RIC1: variants seen among roughly 807,000 people sequenced by gnomAD.
The protein encoded by RIC1 is guanine nucleotide exchange factor subunit RIC1.
A neutral mutation model predicts 169.0 loss-of-function variants in RIC1; 88 were observed. That is an observed-to-expected ratio of 0.52 (90% CI 0.44 to 0.62). The LOEUF (loss-of-function observed/expected upper bound fraction) is 0.62, where lower values mean the gene tolerates loss of function less well. Among genes scored for constraint, RIC1 ranks in the 20% least tolerant of loss-of-function variants. RIC1 has a pLI of 0.00. For missense variants in RIC1, 1,877 were observed against 1,725.5 expected (o/e 1.09, Z -1.56); for synonymous variants, 790 against 601.5 (o/e 1.31, Z -4.59).
intron 2 of RIC1, 151 bp from the exon 3 acceptor site, chr9:5,689,808 C>A: frequency 1.9e-6 from 1 of 530,264 alleles, no homozygotes; most frequent in Non-Finnish European, 3.2e-6. Context: ...ATTAAAAAGT[C>A]GCTTCTATTT....
At chr9:5,638,517 CTGT>C (rs1269851854) in intron 1 of RIC1, among the ~76,000 whole-genome samples, 2 of 152,144 alleles carry the variant, frequency 1.3e-5, no homozygotes, top group African/African-American at 4.8e-5. Flanking sequence ...TTCAATCTCA[CTGT>C]TGTTAGTCTG....
At chr9:5,757,941 A>G (rs1017483877) in intron 17 of RIC1, among the ~76,000 whole-genome samples, 1 of 152,172 alleles carries the variant, frequency 6.6e-6, no homozygotes, top group African/African-American at 2.4e-5. Flanking sequence ...AATATTGATA[A>G]TTTTAGACTT....
intron 3 of RIC1, among the ~76,000 whole-genome samples, chr9:5,690,894 C>G (rs1287946270): frequency 6.6e-6 from 1 of 151,712 alleles, no homozygotes; most frequent in East Asian, 1.9e-4. Flanking sequence ...CTGTAACTAA[C>G]AAACTCAAGA....
chr9:5,757,323 A>G lies in RIC1; in HGVS notation c.1864A>G (p.Thr622Ala). 6.2e-7 allele frequency: 1 copy of G among 1,614,002 alleles called. No individual in the cohort carries two copies. The highest frequency in any genetic ancestry group is 8.5e-7 in the Non-Finnish European group (1 of 1,179,902). ...IERKSDGPNT[T>A]AGIQVLQEVS... ...CTTTTGTTTTTACAGTCCAAATACT[A>G]CTGCTGGTATTCAAGTTCTTCAGGA... The change falls in exon 17 of 26, where the codon ACT becomes GCT. Residue 622 changes from threonine to alanine, a missense_variant. Coordinates refer to ENST00000414202, the MANE Select transcript of RIC1 (RefSeq NM_020829.4).
intron 3 of RIC1, among the ~76,000 whole-genome samples, chr9:5,699,255 T>C (rs893525610): frequency 2.0e-5 from 3 of 152,156 alleles, no homozygotes; most frequent in Non-Finnish European, 4.4e-5. Context: ...TCCTCCCACA[T>C]CCCAAAGATG....
At chr9:5,725,711 C>A (rs901972908) in intron 6 of RIC1, among the ~76,000 whole-genome samples, 1 of 151,884 alleles carries the variant, frequency 6.6e-6, no homozygotes, top group African/African-American at 2.4e-5. Context: ...TATAAATTTC[C>A]CTCTACACAC....
At chr9:5,724,806 T>G (rs1417701392) in intron 6 of RIC1, among the ~76,000 whole-genome samples, 4 of 152,186 alleles carry the variant, frequency 2.6e-5, no homozygotes, top group Admixed American at 2.6e-4. Flanking sequence ...CTGCATCTAT[T>G]GAGATAATCA....
intron 1 of RIC1, among the ~76,000 whole-genome samples, chr9:5,645,995 A>T (rs1169689824): frequency 2.0e-5 from 3 of 150,304 alleles, no homozygotes. Flanking sequence ...TAATGTTAAG[A>T]AATTGCCACA....
chr9:5,743,231 C>T (rs962129215), intron 9 of RIC1, among the ~76,000 whole-genome samples: 24 of 151,908 alleles, frequency 1.6e-4, no homozygotes, highest in African/African-American at 5.1e-4. Context: ...TTTATTGAAC[C>T]CCTGCTGTAT....
chr9:5,693,527 TC>T (rs1821707945), intron 3 of RIC1, among the ~76,000 whole-genome samples: 1 of 152,152 alleles, frequency 6.6e-6, no homozygotes, highest in Non-Finnish European at 1.5e-5. Flanking sequence ...AATCTTAGAT[TC>T]CATTGTATAT....
chr9:5,700,899 TA>T (rs1411586834), intron 3 of RIC1, among the ~76,000 whole-genome samples: 1 of 152,220 alleles, frequency 6.6e-6, no homozygotes, highest in African/African-American at 2.4e-5. Context: ...AAGTTATAAA[TA>T]TTTTTTTTCA....
chr9:5,758,245 G>A (rs529287686), intron 17 of RIC1, among the ~76,000 whole-genome samples: 2 of 152,058 alleles, frequency 1.3e-5, no homozygotes, highest in African/African-American at 4.8e-5. Flanking sequence ...GAAGTAGGGC[G>A]ACCAGGACCC....
intron 1 of RIC1, among the ~76,000 whole-genome samples, chr9:5,648,821 TTA>T (rs2130382604): frequency 6.6e-6 from 1 of 152,338 alleles, no homozygotes; most frequent in South Asian, 2.1e-4. Flanking sequence ...GAAAAAATGT[TTA>T]TGTCTTTTGC....
At chr9:5,712,591 T>A (rs577857337) in intron 3 of RIC1, among the ~76,000 whole-genome samples, 37 of 152,338 alleles carry the variant, frequency 2.4e-4, no homozygotes, top group African/African-American at 8.2e-4. Flanking sequence ...GAAAGGAGTC[T>A]ACCTCTGTGT....
chr9:5,675,549 G>A (rs531936084), intron 2 of RIC1, among the ~76,000 whole-genome samples: 52 of 152,144 alleles, frequency 3.4e-4, no homozygotes, highest in Middle Eastern at 3.4e-3. Context: ...TTCAACTTAC[G>A]ACAAGTATAA....
intron 16 of RIC1, 146 bp downstream of exon 16, chr9:5,756,518 A>G: frequency 2.2e-6 from 1 of 452,350 alleles, no homozygotes; most frequent in Non-Finnish European, 3.8e-6. Flanking sequence ...AGTTTTAATT[A>G]GTGATATTGA....
At chr9:5,709,996 C>T (rs1822839993) in intron 3 of RIC1, among the ~76,000 whole-genome samples, 1 of 152,036 alleles carries the variant, frequency 6.6e-6, no homozygotes, top group Admixed American at 6.5e-5. Flanking sequence ...TTGATAATCA[C>T]CAACAGAAAA....
In RIC1 at chr9:5,738,545, CTTTTTTTTTTT is replaced by C. The variant is rs74310870; in HGVS notation, c.901+18_901+28del. The C allele has an allele frequency of 8.6e-6, 7 of 815,720 alleles. No homozygotes were observed. The highest frequency in any genetic ancestry group is 3.7e-5 in the Admixed American group (1 of 27,078). 50.5% of individuals were successfully genotyped at this position (815,720 alleles called of 1,614,324 possible). A position where few individuals can be genotyped will look rare whatever the true frequency, so the allele number is the denominator to read the frequency against. ...ACAGCAAAACAGTATCCTGGTGAGTCTTTTTTTTTTTTTTTTTTTTTAACATTTTTAATGTA... is the reference window on the plus strand; with the variant it reads ...ACAGCAAAACAGTATCCTGGTGAGTCTTTTTTTTTTAACATTTTTAATGTA... On this transcript the variant is annotated splice_region_variant and intron_variant, in intron 8 of 25. Coordinates refer to ENST00000414202, the MANE Select transcript of RIC1 (RefSeq NM_020829.4).
intron 21 of RIC1, among the ~76,000 whole-genome samples, chr9:5,768,612 T>TA (rs1478555548): frequency 2.6e-5 from 4 of 152,218 alleles, no homozygotes; most frequent in African/African-American, 9.6e-5. Flanking sequence ...TCTCTATCCT[T>TA]AGTTTCTTTG....
Sources: allele counts gnomAD v4.1 joint callset (sites outside exome capture counted in the v4.1 genomes callset), GRCh38; gene constraint gnomAD v4.1.1; transcripts MANE v1.5; gene names NCBI Gene and HGNC (gene_info 2026-07-23, HGNC 2026-07-21).